HPSE2: variants seen among roughly 807,000 people sequenced by gnomAD.
HPSE2 encodes the protein heparanase 2 (inactive).
A neutral mutation model predicts 60.5 loss-of-function variants in HPSE2; 38 were observed. The observed-to-expected ratio is 0.63, with a 90% CI of 0.48 to 0.82. The LOEUF is 0.82. Among genes scored for constraint, HPSE2 ranks in the 40% least tolerant of loss-of-function variants. HPSE2 has a pLI of 0.00. For synonymous variants in HPSE2, 295 were observed against 293.2 expected (o/e 1.01, Z -0.06); for missense variants, 713 against 740.4 (o/e 0.96, Z 0.43).
chr10:99,291,574 C>T, the HPSE2 span, among the ~76,000 whole-genome samples: 2 of 105,430 alleles, frequency 1.9e-5, no homozygotes, highest in African/African-American at 8.2e-5. Context: ...CAAAGCAAGA[C>T]TCCATCTGAA....
At chr10:99,281,250 A>C in the HPSE2 span, among the ~76,000 whole-genome samples, 4 of 148,390 alleles carry the variant, frequency 2.7e-5, no homozygotes, top group Admixed American at 2.7e-4. Flanking sequence ...TGCCTATATT[A>C]ATATATAATA....
intron 3 of HPSE2, among the ~76,000 whole-genome samples, chr10:98,821,454 A>T (rs926210176): frequency 6.6e-6 from 1 of 152,224 alleles, no homozygotes; most frequent in Admixed American, 6.5e-5. Context: ...AGGTATTACA[A>T]TTATGGGACA....
intron 3 of HPSE2, among the ~76,000 whole-genome samples, chr10:98,954,868 C>T (rs1217522260): frequency 6.6e-6 from 1 of 151,542 alleles, no homozygotes; most frequent in Non-Finnish European, 1.5e-5. Flanking sequence ...GATTGGTGTA[C>T]ATGCTTAGAG....
chr10:99,047,634 G>A, intron 3 of HPSE2: 3 of 699,846 alleles, frequency 4.3e-6, no homozygotes, highest in Non-Finnish European at 7.6e-6. Flanking sequence ...TTTCTGGCTG[G>A]AACCATGGAT....
At chr10:98,597,132 C>T (rs1945261012) in intron 9 of HPSE2, among the ~76,000 whole-genome samples, 1 of 152,008 alleles carries the variant, frequency 6.6e-6, no homozygotes, top group African/African-American at 2.4e-5. Context: ...GAAACTGCCC[C>T]CATGATTCAA....
At chr10:98,856,501 T>C (rs1172673808) in intron 3 of HPSE2, among the ~76,000 whole-genome samples, 2 of 151,996 alleles carry the variant, frequency 1.3e-5, no homozygotes, top group African/African-American at 4.8e-5. Flanking sequence ...AAAAAATGCA[T>C]TACATAGAAA....
chr10:98,655,358 T>G lies in HPSE2; in HGVS notation c.1005-13418A>C, dbSNP rs147051359. ...GGAGCCAAAGACTGCAGCTCCCAGG[T>G]TTTTAAGCTCAAATTAGTTCATACG... On this transcript the variant is annotated intron_variant, in intron 6 of 11. Coordinates refer to ENST00000370552, the MANE Select transcript of HPSE2 (RefSeq NM_021828.5). Among the ~76,000 whole-genome samples, 77 of 152,186 alleles carry G rather than the reference T, an allele frequency of 5.1e-4. No individual in the cohort carries two copies. In the East Asian group the frequency reaches 0.014, roughly 28 times the overall value.
At chr10:99,168,773 A>G (rs1029790298) in intron 2 of HPSE2, among the ~76,000 whole-genome samples, 1 of 152,202 alleles carries the variant, frequency 6.6e-6, no homozygotes, top group Admixed American at 6.5e-5. Context: ...TCTCTGGTAT[A>G]ATCTGTAAGC....
intron 9 of HPSE2, among the ~76,000 whole-genome samples, chr10:98,563,924 G>A (rs1042593025): frequency 3.3e-5 from 5 of 152,156 alleles, no homozygotes; most frequent in African/African-American, 1.2e-4. Flanking sequence ...TACTACGAGG[G>A]CTGGAGAAAC....
chr10:98,646,647 A>G (rs546689647), intron 6 of HPSE2, among the ~76,000 whole-genome samples: 1 of 152,334 alleles, frequency 6.6e-6, no homozygotes, highest in South Asian at 2.1e-4. Flanking sequence ...GGAAGTGGCA[A>G]AGATAGCAGA....
At chr10:98,714,009 G>C (rs529606494) in intron 5 of HPSE2, among the ~76,000 whole-genome samples, 2 of 151,780 alleles carry the variant, frequency 1.3e-5, no homozygotes, top group African/African-American at 4.8e-5. Context: ...ATATTGCCAA[G>C]GTTGGCAAAG....
At chr10:98,989,100 G>A (rs982452653) in intron 3 of HPSE2, among the ~76,000 whole-genome samples, 1 of 151,924 alleles carries the variant, frequency 6.6e-6, no homozygotes, top group Admixed American at 6.6e-5. Flanking sequence ...ATTCCTCAGG[G>A]ATCTAGAACT....
intron 3 of HPSE2, among the ~76,000 whole-genome samples, chr10:98,765,292 C>A (rs1330722207): frequency 6.6e-6 from 1 of 152,092 alleles, no homozygotes; most frequent in Non-Finnish European, 1.5e-5. Context: ...GAACTCAAAT[C>A]ATACAAAGTA....
At chr10:99,187,584 G>A (rs1764777467) in intron 2 of HPSE2, among the ~76,000 whole-genome samples, 2 of 152,178 alleles carry the variant, frequency 1.3e-5, no homozygotes. Context: ...AAGAAAGGAT[G>A]TGAACAGGAA....
chr10:98,603,966 G>C (rs1050404180), intron 9 of HPSE2, among the ~76,000 whole-genome samples: 2 of 152,238 alleles, frequency 1.3e-5, no homozygotes, highest in South Asian at 4.1e-4. Flanking sequence ...ACAGTCCAAA[G>C]GCACAGGCTC....
chr10:98,546,501 A>G (rs1173003509), intron 9 of HPSE2, among the ~76,000 whole-genome samples: 1 of 151,724 alleles, frequency 6.6e-6, no homozygotes, highest in Non-Finnish European at 1.5e-5. Flanking sequence ...ATAACGCCGC[A>G]TACCTACAAC....
chr10:98,767,638 A>T (rs1220113666), intron 3 of HPSE2, among the ~76,000 whole-genome samples: 11 of 146,320 alleles, frequency 7.5e-5, no homozygotes, highest in Non-Finnish European at 1.3e-4. Context: ...TGTAATATTT[A>T]TTAATATTTA....
chr10:98,866,406 T>C (rs1191116922), intron 3 of HPSE2, among the ~76,000 whole-genome samples: 2 of 151,986 alleles, frequency 1.3e-5, no homozygotes, highest in African/African-American at 2.4e-5. Context: ...ATAGAGATAA[T>C]TGGTGTCTTA....
In HPSE2 at chr10:98,518,008, T is replaced by C. The variant is rs117562588; in HGVS notation, c.1321-27812A>G. Among the ~76,000 whole-genome samples, 359 of 152,308 alleles carry C rather than the reference T, an allele frequency of 2.4e-3. 22 individuals are homozygous for C. The East Asian group carries it at 0.056, about 24-fold the overall frequency. On this transcript the variant is annotated intron_variant, in intron 9 of 11. Coordinates refer to ENST00000370552, the MANE Select transcript of HPSE2 (RefSeq NM_021828.5). ...CAGTAAGGGAAAGCTTCCCTCCCAG[T>C]GTCTAGTACCCCAGAATATTCCTTC...
Sources: allele counts gnomAD v4.1 joint callset (sites outside exome capture counted in the v4.1 genomes callset), GRCh38; gene constraint gnomAD v4.1.1; transcripts MANE v1.5; gene names NCBI Gene and HGNC (gene_info 2026-07-23, HGNC 2026-07-21).